The following FBXW7 variants were observed in gnomAD, a reference collection of about 807,000 sequenced individuals.
The protein encoded by FBXW7 is F-box and WD repeat domain containing 7, also known as F-box/WD repeat-containing protein 7.
A neutral mutation model predicts 86.3 loss-of-function variants in FBXW7; 11 were observed. The ratio of observed to expected loss-of-function variants is 0.13; its 90% CI spans 0.08 to 0.21. The LOEUF (loss-of-function observed/expected upper bound fraction) is 0.21, where lower values mean the gene tolerates loss of function less well. FBXW7 is among the 10% of genes least tolerant of loss of function. The pLI is 1.00. For synonymous variants in FBXW7, 313 were observed against 297.9 expected (o/e 1.05, Z -0.52); for missense variants, 488 against 847.4 (o/e 0.58, Z 5.27).
chr4:152,337,268 T>C (rs1718208471), intron 7 of FBXW7, among the ~76,000 whole-genome samples: 1 of 151,894 alleles, frequency 6.6e-6, no homozygotes, highest in Non-Finnish European at 1.5e-5. Flanking sequence ...GGGAGGAGAA[T>C]GATTAGAAAA....
At chr4:152,482,586 T>C (rs923508066) in intron 2 of FBXW7, among the ~76,000 whole-genome samples, 1 of 152,166 alleles carries the variant, frequency 6.6e-6, no homozygotes, top group Non-Finnish European at 1.5e-5. Flanking sequence ...TTCTAAGACA[T>C]CTTGAATTCT....
chr4:152,361,994 C>T (rs1160287901), intron 4 of FBXW7, among the ~76,000 whole-genome samples: 1 of 138,852 alleles, frequency 7.2e-6, no homozygotes, highest in African/African-American at 2.7e-5. Context: ...AAGAACAGAA[C>T]AGAACAGAAA....
chr4:152,465,881 T>C (rs1743379712), intron 2 of FBXW7, among the ~76,000 whole-genome samples: 1 of 151,198 alleles, frequency 6.6e-6, no homozygotes, highest in South Asian at 2.1e-4. Context: ...ATTACCCATC[T>C]AATAGCCACT....
At chr4:152,425,576 A>G (rs1369926487) in intron 2 of FBXW7, among the ~76,000 whole-genome samples, 1 of 152,168 alleles carries the variant, frequency 6.6e-6, no homozygotes, top group Non-Finnish European at 1.5e-5. Context: ...GAAACAATTA[A>G]AATACCAGAT....
intron 4 of FBXW7, among the ~76,000 whole-genome samples, chr4:152,404,065 G>A (rs1454873737): frequency 6.6e-6 from 1 of 152,170 alleles, no homozygotes; most frequent in Non-Finnish European, 1.5e-5. Context: ...CTAGAGATGT[G>A]AAGAATCAGT....
intron 2 of FBXW7, among the ~76,000 whole-genome samples, chr4:152,439,220 T>C (rs1740651499): frequency 6.6e-6 from 1 of 152,130 alleles, no homozygotes; most frequent in South Asian, 2.1e-4. Flanking sequence ...ATGACAATAT[T>C]TTTCCCACGT....
intron 6 of FBXW7, among the ~76,000 whole-genome samples, chr4:152,339,158 T>C (rs562628402): frequency 1.3e-5 from 2 of 152,298 alleles, no homozygotes; most frequent in South Asian, 4.1e-4. Flanking sequence ...CATAGTATAT[T>C]CCATTTTACC....
At chr4:152,447,231 T>A (rs1741486038) in intron 2 of FBXW7, among the ~76,000 whole-genome samples, 2 of 152,324 alleles carry the variant, frequency 1.3e-5, no homozygotes, top group South Asian at 4.1e-4. Flanking sequence ...AAATTGTTAA[T>A]CTTATTTAAT....
chr4:152,509,396 C>T (rs1411144137), intron 2 of FBXW7, among the ~76,000 whole-genome samples: 2 of 152,140 alleles, frequency 1.3e-5, no homozygotes, highest in African/African-American at 4.8e-5. Flanking sequence ...AACCACCAAT[C>T]AAAACCAAAC....
In FBXW7 at chr4:152,411,753, G is replaced by C. The variant is rs1485292037; in HGVS notation, c.51C>G (p.Gly17=). The C allele has an allele frequency of 1.2e-6, 2 of 1,613,446 alleles. No homozygotes were observed. Among genetic ancestry groups the C allele is most frequent in the Non-Finnish European group, 8.5e-7 (1 of 1,179,726 alleles). ...TTGAGGAAGGGTTACCTCTCAGAGA[G>C]CCTCCAGTTCGTCGTCTTTTGCTGC... ...SVGSKRRRTG[G]SLRGNPSSSQ... is the part of the protein sequence containing the mutation. Residue 17 remains glycine, a synonymous_variant, in exon 4 of 14, where the codon GGC becomes GGG. Transcript: ENST00000281708.
chr4:152,415,988 T>C (rs1421054091), intron 2 of FBXW7, among the ~76,000 whole-genome samples: 1 of 152,148 alleles, frequency 6.6e-6, no homozygotes, highest in Non-Finnish European at 1.5e-5. Flanking sequence ...CAGCACTATA[T>C]AAAAGCAAAA....
chr4:152,366,541 C>T (rs1192143067), intron 4 of FBXW7, among the ~76,000 whole-genome samples: 1 of 152,142 alleles, frequency 6.6e-6, no homozygotes, highest in Non-Finnish European at 1.5e-5. Context: ...GTAACTTATA[C>T]TAGCTTTAAA....
chr4:152,441,074 G>A lies in FBXW7; in HGVS notation c.-119-28545C>T, dbSNP rs111409553. Among the ~76,000 whole-genome samples, 4 of 152,014 alleles carry A rather than the reference G, an allele frequency of 2.6e-5. 1 individual carries two copies. The highest frequency in any genetic ancestry group is 4.8e-5 in the African/African-American group (2 of 41,464). On this transcript the variant is annotated intron_variant, in intron 2 of 13. Transcript: ENST00000281708. ...TTCCACTGTGATAAACAGAAAATAC[G>A]TATCAAAATTACACAGACCTACCTA... is the stretch of plus-strand genomic sequence containing the variant.
chr4:152,378,832 C>A (rs747738725), intron 4 of FBXW7, among the ~76,000 whole-genome samples: 5 of 152,050 alleles, frequency 3.3e-5, no homozygotes, highest in African/African-American at 4.8e-5. Flanking sequence ...CATGGTGAAA[C>A]CCCATCTCTA....
chr4:152,500,496 CA>C (rs34375454), intron 2 of FBXW7, among the ~76,000 whole-genome samples: 22,555 of 73,136 alleles, frequency 0.31, 850 homozygotes, highest in Middle Eastern at 0.38. Context: ...GCTTTGTCAG[CA>C]AAAAAAAAAA....
intron 6 of FBXW7, among the ~76,000 whole-genome samples, chr4:152,341,544 G>T (rs1730740049): frequency 6.6e-6 from 1 of 152,172 alleles, no homozygotes; most frequent in Non-Finnish European, 1.5e-5. Context: ...GTAGGGCCTA[G>T]CACAGAAAAG....
intron 2 of FBXW7, among the ~76,000 whole-genome samples, chr4:152,525,618 CAA>C (rs761891716): frequency 1.8e-4 from 27 of 152,214 alleles, no homozygotes; most frequent in Middle Eastern, 6.3e-3. Flanking sequence ...CATACTCCCA[CAA>C]AAGACATGAT....
intron 6 of FBXW7, among the ~76,000 whole-genome samples, chr4:152,345,700 A>G (rs1731199944): frequency 6.6e-6 from 1 of 152,194 alleles, no homozygotes; most frequent in African/African-American, 2.4e-5. Context: ...AATCACCTGA[A>G]GGGTAGAAAA....
At chr4:152,393,518 C>T (rs1189275597) in intron 4 of FBXW7, among the ~76,000 whole-genome samples, 2 of 151,904 alleles carry the variant, frequency 1.3e-5, no homozygotes, top group Admixed American at 1.3e-4. Context: ...ACAGAGGTAC[C>T]TCAGTATATT....
Sources: allele counts gnomAD v4.1 joint callset (sites outside exome capture counted in the v4.1 genomes callset), GRCh38; gene constraint gnomAD v4.1.1; transcripts MANE v1.5; gene names NCBI Gene and HGNC (gene_info 2026-07-23, HGNC 2026-07-21).